Variants in CELF2 observed in about 807,000 individuals in gnomAD.
CELF2 encodes the protein CUGBP Elav-like family member 2.
In CELF2, 8 loss-of-function variants were observed where a neutral mutation model predicts 62.6. That is an observed-to-expected ratio of 0.13 (90% CI 0.07 to 0.23). The LOEUF is 0.23. Among genes scored for constraint, CELF2 ranks in the 10% least tolerant of loss-of-function variants. The pLI is 1.00. For synonymous variants in CELF2, 258 were observed against 250.0 expected, an observed-to-expected ratio of 1.03 and a Z score of -0.30; for missense variants, 333 against 671.0, an observed-to-expected ratio of 0.50 and a Z score of 5.56.
At chr10:10,857,231 G>T (rs2059769078) in intron 1 of CELF2, among the ~76,000 whole-genome samples, 1 of 152,116 alleles carries the variant, frequency 6.6e-6, no homozygotes, top group African/African-American at 2.4e-5. Context: ...ATCTTCACAG[G>T]TGTGGGAAAA....
At chr10:11,273,291 A>G (rs1006974372) in intron 7 of CELF2, among the ~76,000 whole-genome samples, 7 of 152,030 alleles carry the variant, frequency 4.6e-5, no homozygotes, top group Admixed American at 4.6e-4. Context: ...GGCAGGCGAG[A>G]GAGCGTTACT....
intron 2 of CELF2, among the ~76,000 whole-genome samples, chr10:11,171,066 A>G (rs1392602691): frequency 2.6e-5 from 4 of 152,206 alleles, no homozygotes; most frequent in Non-Finnish European, 5.9e-5. Context: ...TTCTCAGCTC[A>G]AAGAGAAATA....
chr10:10,927,360 A>AAAAAAAAAAAC, intron 2 of CELF2: 1 of 150,700 alleles, frequency 6.6e-6, no homozygotes, highest in African/African-American at 2.4e-5. Flanking sequence ...AAAAAAAAAA[A>AAAAAAAAAAAC]AAAAAACACC....
chr10:11,308,520 A>G (rs2094391173), intron 9 of CELF2, among the ~76,000 whole-genome samples: 1 of 152,144 alleles, frequency 6.6e-6, no homozygotes, highest in African/African-American at 2.4e-5. Context: ...TGCCAACTCA[A>G]ACCAACTGTG....
At chr10:11,323,992 A>G (rs1297594101) in intron 11 of CELF2, among the ~76,000 whole-genome samples, 2 of 151,790 alleles carry the variant, frequency 1.3e-5, no homozygotes, top group Non-Finnish European at 2.9e-5. Flanking sequence ...TTGGTGATGG[A>G]AAAATTGGGG....
the CELF2 span, among the ~76,000 whole-genome samples, chr10:10,774,495 A>G: frequency 6.6e-6 from 1 of 152,154 alleles, no homozygotes; most frequent in African/African-American, 2.4e-5. Flanking sequence ...TTCTCATGAT[A>G]GAGTTCTTAT....
chr10:11,285,418 C>T lies in CELF2; in HGVS notation c.842-3000C>T, dbSNP rs2090903884. Among the ~76,000 whole-genome samples the T allele has an allele frequency of 6.6e-6, 1 of 152,114 alleles. No homozygotes were observed. Among genetic ancestry groups the T allele is most frequent in the Non-Finnish European group, 1.5e-5 (1 of 68,010 alleles). ...CTTTCCAGGCGGCAGCAGGGAAAGG[C>T]TTAGGAGAATGTCAGAAACTGTTGG... On this transcript the variant is annotated intron_variant, in intron 8 of 12. Coordinates refer to ENST00000633077, the MANE Select transcript of CELF2 (RefSeq NM_001326342.2). The surrounding 1 kb of genome is among the most constrained non-coding windows in gnomAD (Gnocchi z 4.3).
upstream of CELF2, chr10:10,794,983 A>T (rs1159692473): frequency 1.3e-5 from 2 of 151,988 alleles, no homozygotes. Flanking sequence ...ATTTTCCCAC[A>T]CTTCCCTCAT....
Position 11,203,497 on chromosome 10 carries a change from T to G in CELF2, c.272-13928T>G, listed in dbSNP as rs1259405780. Among the ~76,000 whole-genome samples the G allele has an allele frequency of 3.3e-5, 5 of 152,156 alleles. No homozygotes were observed. In the South Asian group the frequency reaches 1.0e-3, roughly 32 times the overall value. ...CTCTTTGGTTAGAGACATGGAGCGG[T>G]GAAGAAGTAAGGCAGTGTTTGGCAA... On this transcript the variant is annotated intron_variant, in intron 2 of 12. Transcript: ENST00000633077.
At chr10:10,510,563 A>G in the CELF2 span, among the ~76,000 whole-genome samples, 1 of 152,230 alleles carries the variant, frequency 6.6e-6, no homozygotes, top group African/African-American at 2.4e-5. Context: ...CATTCATCAA[A>G]TACTTATTGG....
chr10:11,065,879 GT>G (rs1419382524), intron 1 of CELF2, among the ~76,000 whole-genome samples: 2 of 152,156 alleles, frequency 1.3e-5, no homozygotes, highest in Non-Finnish European at 2.9e-5. Context: ...GGGTATCAGG[GT>G]AGGCTTTCTC....
rs1156936776 is a variant in CELF2, at chr10:11,244,120, A to G, written c.355-5033A>G. On this transcript the variant is annotated intron_variant, in intron 3 of 12. Transcript: ENST00000633077. The surrounding 1 kb of genome is among the most constrained non-coding windows in gnomAD (Gnocchi z 4.2). ...GCAGGGAGGGCCAGGGTCCCTAGTC[A>G]TGGGGAAGCAGTTGAGAAGCAACAG... Among the ~76,000 whole-genome samples, 1 of 152,198 alleles carries G rather than the reference A, an allele frequency of 6.6e-6. No homozygotes were observed. Among genetic ancestry groups the G allele is most frequent in the Non-Finnish European group, 1.5e-5 (1 of 68,032 alleles).
chr10:10,518,356 T>C, the CELF2 span, among the ~76,000 whole-genome samples: 1 of 152,244 alleles, frequency 6.6e-6, no homozygotes, highest in South Asian at 2.1e-4. Flanking sequence ...CTGCATTTTG[T>C]GTGGGACGCT....
At chr10:11,276,407 C>T (rs1338555817) in intron 8 of CELF2, among the ~76,000 whole-genome samples, 3 of 152,224 alleles carry the variant, frequency 2.0e-5, no homozygotes, top group African/African-American at 7.2e-5. Flanking sequence ...TTAAATCATT[C>T]AGCAGCATCT....
the CELF2 span, among the ~76,000 whole-genome samples, chr10:10,690,227 T>G: frequency 6.6e-6 from 1 of 152,192 alleles, no homozygotes. Context: ...ACCTTTCCCT[T>G]TGTGACTGGT....
At chr10:11,240,505 G>T (rs1471107693) in intron 3 of CELF2, among the ~76,000 whole-genome samples, 1 of 152,218 alleles carries the variant, frequency 6.6e-6, no homozygotes, top group Non-Finnish European at 1.5e-5. Context: ...CTAATCCACT[G>T]TGTGAGTTTT....
the CELF2 span, among the ~76,000 whole-genome samples, chr10:10,673,107 A>G: frequency 9.1e-4 from 139 of 152,216 alleles, no homozygotes; most frequent in Non-Finnish European, 1.7e-3. Context: ...ATTGCATAGG[A>G]AAATGACTCC....
chr10:10,721,979 G>A, the CELF2 span, among the ~76,000 whole-genome samples: 1 of 152,184 alleles, frequency 6.6e-6, no homozygotes. Context: ...GTTCAGGAAA[G>A]CTTTTTAAAT....
chr10:10,492,605 G>C, the CELF2 span, among the ~76,000 whole-genome samples: 1 of 152,140 alleles, frequency 6.6e-6, no homozygotes, highest in African/African-American at 2.4e-5. Context: ...AGAAACTGAA[G>C]GGAGATTTGT....
Sources: gnomAD v4.1 joint callset for allele counts (sites outside exome capture counted in the v4.1 genomes callset) on GRCh38, gnomAD v4.1.1 for gene constraint, Gnocchi (gnomAD v3.1) non-coding constraint, MANE v1.5 for transcripts, NCBI Gene and HGNC (gene_info 2026-07-23, HGNC 2026-07-21) for gene names.